The following COL5A3 variants were observed in gnomAD, a reference collection of about 807,000 sequenced individuals.
The protein encoded by COL5A3 is collagen alpha-3(V) chain.
A neutral mutation model predicts 250.0 loss-of-function variants in COL5A3; 172 were observed. The observed-to-expected ratio is 0.69, with a 90% confidence interval of 0.61 to 0.78. The LOEUF is 0.78. COL5A3 is among the 30% of genes least tolerant of loss of function. COL5A3 has a pLI of 0.00. For synonymous variants in COL5A3, 937 were observed against 900.4 expected, an observed-to-expected ratio of 1.04 and a Z score of -0.73; for missense variants, 2,340 against 2,334.4, an observed-to-expected ratio of 1.00 and a Z score of -0.05.
chr19:10,004,310 T>C (rs2145143864), intron 4 of COL5A3, among the ~76,000 whole-genome samples, 165 bp from the exon 5 acceptor site: 1 of 152,012 alleles, frequency 6.6e-6, no homozygotes, highest in Admixed American at 6.6e-5. Flanking sequence ...ATCACAGCCC[T>C]AGTGATCTCT....
Position 9,967,911 on chromosome 19 carries a change from C to G in COL5A3, c.4397G>C (p.Gly1466Ala). ...AGPLGQKGSK[G>A]SPGSMGPRGD... ...GAAGCAGGGTGTACTCACCGGAGACCCTTTTGAGCCTTTCTGTCCTAGAGG... is the reference window on the plus strand; with the variant it reads ...GAAGCAGGGTGTACTCACCGGAGACGCTTTTGAGCCTTTCTGTCCTAGAGG... The change falls in exon 61 of 67, where the codon GGG (glycine) becomes GCG (alanine). Residue 1466 changes from glycine to alanine, a missense_variant. This residue lies in a region of COL5A3 where 1,179 missense variants were observed against 1,162.6 expected (regional missense o/e 1.01). Transcript: ENST00000264828. The G allele has an allele frequency of 1.2e-6, 2 of 1,613,128 alleles. No homozygotes were observed. Among genetic ancestry groups the G allele is most frequent in the Non-Finnish European group, 1.7e-6 (2 of 1,179,664 alleles).
At position 10,009,471 on chromosome 19, in the gene COL5A3, G is replaced by A. The variant is rs949722348; in HGVS notation, c.88+827C>T. 1.1e-4 allele frequency among the ~76,000 whole-genome samples: 16 copies of A among 152,048 alleles called. No homozygotes were observed. The highest frequency in any genetic ancestry group is 7.9e-4 in the Admixed American group (12 of 15,276). ...GAAATTCCTCGGGAAAAACACCCAAGGCTCCAGCAGCTGGGGTGGGGAGGG... is the reference window on the plus strand; with the variant it reads ...GAAATTCCTCGGGAAAAACACCCAAAGCTCCAGCAGCTGGGGTGGGGAGGG... On this transcript the variant is annotated intron_variant, in intron 1 of 66. Coordinates refer to ENST00000264828, the MANE Select transcript of COL5A3 (RefSeq NM_015719.4). This position sits in a 1 kb window ranked among gnomAD's most constrained non-coding sequence, Gnocchi z 4.4.
chr19:9,970,769 A>C, intron 53 of COL5A3, 94 bp from the exon 54 acceptor site: 1 of 1,130,858 alleles, frequency 8.8e-7, no homozygotes, highest in Non-Finnish European at 1.2e-6. Context: ...ACCCTTCCCC[A>C]AGCCTCACCC....
Position 9,997,315 on chromosome 19 carries a change from C to T in COL5A3, c.1263+56G>A, listed in dbSNP as rs1336775944. 5 of 1,370,318 alleles carry T rather than the reference C, an allele frequency of 3.6e-6. No individual in the cohort carries two copies. In the African/African-American group the frequency reaches 4.3e-5, roughly 12 times the overall value. The allele number at this position is 1,370,318 out of a possible 1,614,324, so 84.9% of individuals were successfully genotyped here. ...ATATCTATGTTCAGACTGTCACGCTCCCAGCCCCAAACCTCACTCCTCTGA... is the reference window on the plus strand; with the variant it reads ...ATATCTATGTTCAGACTGTCACGCTTCCAGCCCCAAACCTCACTCCTCTGA... On this transcript the variant is annotated intron_variant, in intron 11 of 66. Transcript: ENST00000264828.
Position 9,967,344 on chromosome 19 carries a change from C to T in COL5A3, c.4458+3G>A. The T allele has an allele frequency of 7.0e-7, 1 of 1,436,308 alleles. No homozygotes were observed. Among genetic ancestry groups the T allele is most frequent in the Non-Finnish European group, 9.1e-7 (1 of 1,100,142 alleles). 89.0% of individuals were successfully genotyped at this position (1,436,308 alleles called of 1,614,324 possible). A position where few individuals can be genotyped will look rare whatever the true frequency, so the allele number is the denominator to read the frequency against. ...CCATTCCCCCGCCCCCCGGGGAACT[C>T]ACCGGGGGGCCTGGTGGGCCTGCAG... On this transcript the variant is annotated splice_donor_region_variant and intron_variant, in intron 62 of 66. Transcript: ENST00000264828.
chr19:10,000,370 G>T (rs575756348), intron 8 of COL5A3, among the ~76,000 whole-genome samples: 2 of 149,494 alleles, frequency 1.3e-5, no homozygotes, highest in Non-Finnish European at 3.0e-5. Flanking sequence ...TCCAGGTCAC[G>T]TCCCGACTGC....
At chr19:9,980,754 G>T (rs2086997345) in intron 34 of COL5A3, 52 bp downstream of exon 34, 4 of 1,613,854 alleles carry the variant, frequency 2.5e-6, no homozygotes, top group African/African-American at 1.3e-5. Flanking sequence ...AATTTGGAGG[G>T]ACTGGCTGAG....
At position 10,009,690 on chromosome 19, in the gene COL5A3, G is replaced by A. The variant is rs2087498398; in HGVS notation, c.88+608C>T. On this transcript the variant is annotated intron_variant, in intron 1 of 66. Transcript: ENST00000264828. This position sits in a 1 kb window ranked among gnomAD's most constrained non-coding sequence, Gnocchi z 4.4. ...GGCAGAGGAGGAAAAGGGAGAATGA[G>A]GTGAAGCCATTTAAAGAGACGCAAA... Among the ~76,000 whole-genome samples the A allele has an allele frequency of 1.3e-5, 2 of 152,034 alleles. No individual in the cohort carries two copies. The highest frequency in any genetic ancestry group is 1.3e-4 in the Admixed American group (2 of 15,270).
Position 10,003,728 on chromosome 19 carries a change from T to C in COL5A3, c.700-14A>G. 6.2e-7 allele frequency: 1 copy of C among 1,613,840 alleles called. No homozygotes were observed. The highest frequency in any genetic ancestry group is 8.5e-7 in the Non-Finnish European group (1 of 1,180,000). On this transcript the variant is annotated splice_polypyrimidine_tract_variant and intron_variant, in intron 5 of 66. Transcript: ENST00000264828. ...ACCCTGGGGAGCCTGGGAGAAGGGT[T>C]CCAGTCAGGTCTAGAGCATCCCACC...
At chr19:9,970,908 C>T (rs1341038041) in intron 53 of COL5A3, 67 bp downstream of exon 53, 6 of 1,380,576 alleles carry the variant, frequency 4.3e-6, no homozygotes, top group East Asian at 2.5e-5. Flanking sequence ...CCCTGCCCCC[C>T]CAATTCACTC....
At chr19:10,004,192 T>TA in intron 4 of COL5A3, 47 bp from the exon 5 acceptor site, 1 of 1,428,594 alleles carries the variant, frequency 7.0e-7, no homozygotes, top group Non-Finnish European at 9.9e-7. Context: ...CATACAGCCA[T>TA]AGGCTTACTC....
At chr19:9,973,351 T>A (rs2086878817) in intron 50 of COL5A3, among the ~76,000 whole-genome samples, 1 of 152,204 alleles carries the variant, frequency 6.6e-6, no homozygotes, top group African/African-American at 2.4e-5. Flanking sequence ...ACCTATCCCC[T>A]GGGTCATGTA....
chr19:9,985,819 A>AC, intron 31 of COL5A3, 23 bp downstream of exon 31: 2 of 1,600,418 alleles, frequency 1.2e-6, no homozygotes, highest in Non-Finnish European at 1.7e-6. Flanking sequence ...ATCCATCTCC[A>AC]CCCCCCACCC....
At position 9,968,569 on chromosome 19, in the gene COL5A3, G is replaced by C; in HGVS notation, c.4207-77C>G. The C allele has an allele frequency of 6.3e-6, 10 of 1,575,948 alleles. No homozygotes were observed. Among genetic ancestry groups the C allele is most frequent in the Non-Finnish European group, 8.7e-6 (10 of 1,153,398 alleles). The stretch of plus-strand genomic sequence containing the variant: ...GGTTTTTCTCCTAGAGCCTTAGGGT[G>C]ATGAGTTTGGGAGCAGAGGATGCAC... On this transcript the variant is annotated intron_variant, in intron 58 of 66. Transcript: ENST00000264828. This position sits in a 1 kb window ranked among gnomAD's most constrained non-coding sequence, Gnocchi z 4.1.
chr19:9,966,323 C>A lies in COL5A3; in HGVS notation c.4773G>T (p.Lys1591Asn). Residue 1591 changes from lysine (K) to asparagine (N), a missense_variant, in exon 64 of 67, where the codon AAG (lysine) becomes AAT (asparagine). By Grantham distance (94) the Lys-to-Asn change is moderately conservative. Around this residue, in one of 3 missense-constraint regions of COL5A3, gnomAD observed 1,179 missense variants for 1,162.6 expected, o/e 1.01. Coordinates refer to ENST00000264828, the MANE Select transcript of COL5A3 (RefSeq NM_015719.4). ...GGTTTGGGTTACTCACGATCTCAAA[C>A]TTCTTGTCGGGATAGAGGCAGGTCT... ...GGETCLYPDK[K>N]FEIVKLASWS... 2 of 1,606,680 alleles carry A rather than the reference C, an allele frequency of 1.2e-6. No individual in the cohort carries two copies. The highest frequency in any genetic ancestry group is 8.5e-7 in the Non-Finnish European group (1 of 1,176,160).
chr19:9,970,383 G>GAGTGGAAT (rs2086821585), intron 54 of COL5A3, among the ~76,000 whole-genome samples: 1 of 71,554 alleles, frequency 1.4e-5, no homozygotes, highest in Non-Finnish European at 2.9e-5. Context: ...GTAAGCGGGG[G>GAGTGGAAT]CTGTGGGGTG....
At position 9,971,278 on chromosome 19, in the gene COL5A3, A is replaced by G. The variant is rs1262112877; in HGVS notation, c.3775-20T>C. ...GGGGCCCTGGAACACAGAATGATTA[A>G]TAATCACATCTCTGAATTGTGGAGC... On this transcript the variant is annotated intron_variant, in intron 51 of 66. Coordinates refer to ENST00000264828, the MANE Select transcript of COL5A3 (RefSeq NM_015719.4). 1 of 1,546,856 alleles carries G rather than the reference A, an allele frequency of 6.5e-7. No homozygotes were observed. Among genetic ancestry groups the G allele is most frequent in the Non-Finnish European group, 8.7e-7 (1 of 1,148,382 alleles).
intron 21 of COL5A3, 89 bp from the exon 22 acceptor site, chr19:9,992,137 G>T: frequency 8.9e-7 from 1 of 1,127,110 alleles, no homozygotes; most frequent in Non-Finnish European, 1.3e-6. Context: ...GGAAAGGTGA[G>T]CAGGGCCGGG....
chr19:9,997,349 C>T (rs760438018), intron 11 of COL5A3, 22 bp downstream of exon 11: 1 of 1,589,218 alleles, frequency 6.3e-7, no homozygotes, highest in South Asian at 1.1e-5. Context: ...GAGAAGTGTA[C>T]ACCCCAGTGG....
Sources: gnomAD v4.1 joint callset for allele counts (sites outside exome capture counted in the v4.1 genomes callset) on GRCh38, gnomAD v4.1.1 for gene constraint, gnomAD v4.1.1 regional missense constraint, Gnocchi (gnomAD v3.1) non-coding constraint, MANE v1.5 for transcripts, NCBI Gene and HGNC (gene_info 2026-07-23, HGNC 2026-07-21) for gene names.